Variants in PPFIA2 observed in about 807,000 individuals in gnomAD.
PPFIA2 encodes PPFI scaffold protein A2, also known as liprin-alpha-2.
Under a neutral mutation model 175.5 loss-of-function variants are expected in PPFIA2, and 46 were observed. The ratio of observed to expected loss-of-function variants is 0.26; its 90% CI spans 0.21 to 0.34. PPFIA2 has a LOEUF of 0.34. Ranked by LOEUF, PPFIA2 falls within the 10% of genes least tolerant of loss-of-function variation. The pLI, the probability that PPFIA2 is intolerant of heterozygous loss-of-function variation, is 1.00. For missense variants in PPFIA2, 1,179 were observed against 1,506.1 expected, an observed-to-expected ratio of 0.78 and a Z score of 3.60; for synonymous variants, 568 against 511.4, an observed-to-expected ratio of 1.11 and a Z score of -1.49.
At chr12:81,722,459 C>A (rs1345968497) in intron 3 of PPFIA2, among the ~76,000 whole-genome samples, 2 of 151,018 alleles carry the variant, frequency 1.3e-5, no homozygotes, top group Non-Finnish European at 3.0e-5. Context: ...CTGACATTGA[C>A]CTTTATTAAA....
At chr12:81,431,767 A>G (rs1354169047) in intron 7 of PPFIA2, among the ~76,000 whole-genome samples, 2 of 152,120 alleles carry the variant, frequency 1.3e-5, no homozygotes, top group African/African-American at 4.8e-5. Context: ...CCACTAGTCT[A>G]TAAAACCGAA....
chr12:81,516,819 T>C (rs183973489), intron 4 of PPFIA2, among the ~76,000 whole-genome samples: 1 of 152,162 alleles, frequency 6.6e-6, no homozygotes, highest in Non-Finnish European at 1.5e-5. Context: ...AATAAAATTG[T>C]TTTATTATGT....
chr12:81,561,664 C>T (rs559892060), intron 4 of PPFIA2, among the ~76,000 whole-genome samples: 1 of 152,248 alleles, frequency 6.6e-6, no homozygotes, highest in East Asian at 1.9e-4. Flanking sequence ...TTACAAATCA[C>T]TTTTTTTAAA....
At chr12:81,718,825 C>T (rs2078976626) in intron 3 of PPFIA2, among the ~76,000 whole-genome samples, 1 of 151,578 alleles carries the variant, frequency 6.6e-6, no homozygotes, top group African/African-American at 2.4e-5. Flanking sequence ...GGCTGATGCA[C>T]AGAGGATGCA....
At chr12:81,284,216 G>A (rs2042751030) in intron 25 of PPFIA2, 25 bp downstream of exon 25, 6 of 1,526,746 alleles carry the variant, frequency 3.9e-6, no homozygotes, top group Non-Finnish European at 4.5e-6. Context: ...TTTCCTTCAG[G>A]TTCAACAAAG....
At chr12:81,580,566 T>C (rs1430084528) in intron 4 of PPFIA2, among the ~76,000 whole-genome samples, 1 of 151,342 alleles carries the variant, frequency 6.6e-6, no homozygotes, top group Non-Finnish European at 1.5e-5. Flanking sequence ...TAAATATATT[T>C]TAAATTTTAA....
At chr12:81,664,514 G>A (rs1279949938) in intron 4 of PPFIA2, among the ~76,000 whole-genome samples, 2 of 152,004 alleles carry the variant, frequency 1.3e-5, no homozygotes, top group Non-Finnish European at 2.9e-5. Flanking sequence ...TTAGAATGGT[G>A]ATCATTAAAA....
intron 4 of PPFIA2, among the ~76,000 whole-genome samples, chr12:81,512,066 G>A (rs916477963): frequency 6.6e-6 from 1 of 152,036 alleles, no homozygotes; most frequent in African/African-American, 2.4e-5. Context: ...TCCAGTAAAC[G>A]GAATCTCTCA....
chr12:81,536,209 G>A (rs557051915), intron 4 of PPFIA2, among the ~76,000 whole-genome samples: 1 of 151,788 alleles, frequency 6.6e-6, no homozygotes, highest in African/African-American at 2.4e-5. Context: ...TATCAGATCA[G>A]TTGAAGATTA....
At chr12:81,445,114 T>C (rs2050972341) in intron 6 of PPFIA2, among the ~76,000 whole-genome samples, 1 of 147,130 alleles carries the variant, frequency 6.8e-6, no homozygotes, top group African/African-American at 2.5e-5. Context: ...AATAAATGTC[T>C]AAAAGTTAAA....
intron 4 of PPFIA2, among the ~76,000 whole-genome samples, chr12:81,571,959 C>T (rs116717481): frequency 0.011 from 1,597 of 152,044 alleles, 33 homozygotes; most frequent in African/African-American, 0.036. Context: ...CGTATCTGAG[C>T]CAAAGTGGTA....
intron 4 of PPFIA2, among the ~76,000 whole-genome samples, chr12:81,648,479 G>C (rs1158649263): frequency 6.6e-6 from 1 of 151,796 alleles, no homozygotes; most frequent in Non-Finnish European, 1.5e-5. Context: ...AAACAATTTT[G>C]AGAAAATTTT....
At chr12:81,473,687 A>G (rs2057085982) in intron 4 of PPFIA2, among the ~76,000 whole-genome samples, 1 of 152,210 alleles carries the variant, frequency 6.6e-6, no homozygotes, top group South Asian at 2.1e-4. Flanking sequence ...CTGTTCTGGA[A>G]TTGTAAATTT....
intron 32 of PPFIA2, chr12:81,260,049 C>G (rs939887486): frequency 1.3e-5 from 2 of 158,942 alleles, no homozygotes. Context: ...TAAAAAATAC[C>G]TTTATTTGTT....
chr12:81,728,109 A>G (rs17690937), intron 3 of PPFIA2, among the ~76,000 whole-genome samples: 4,719 of 151,536 alleles, frequency 0.031, 109 homozygotes, highest in Middle Eastern at 0.065. Flanking sequence ...ATAAGAAGAA[A>G]TAACACAAAG....
At chr12:81,731,397 T>C (rs1034901977) in intron 3 of PPFIA2, among the ~76,000 whole-genome samples, 2 of 151,548 alleles carry the variant, frequency 1.3e-5, no homozygotes, top group Admixed American at 6.6e-5. Flanking sequence ...TGAATGTGGG[T>C]CTCATTTACT....
chr12:81,574,710 G>GA (rs1332608625), intron 4 of PPFIA2, among the ~76,000 whole-genome samples: 422 of 144,152 alleles, frequency 2.9e-3, no homozygotes, highest in African/African-American at 5.6e-3. Flanking sequence ...TTATTATTGG[G>GA]AAAAAAAAAA....
At chr12:81,288,829 A>T (rs1377456392) in intron 24 of PPFIA2, among the ~76,000 whole-genome samples, 1 of 151,674 alleles carries the variant, frequency 6.6e-6, no homozygotes, top group Non-Finnish European at 1.5e-5. Flanking sequence ...TGATATTTAC[A>T]CCTCACTCTC....
At chr12:81,329,131 G>A (rs1054453687) in intron 21 of PPFIA2, among the ~76,000 whole-genome samples, 1 of 152,056 alleles carries the variant, frequency 6.6e-6, no homozygotes, top group Admixed American at 6.6e-5. Flanking sequence ...AATGATGAGT[G>A]CCTCAGAGGA....
Sources: allele counts gnomAD v4.1 joint callset (sites outside exome capture counted in the v4.1 genomes callset), GRCh38; gene constraint gnomAD v4.1.1; transcripts MANE v1.5; gene names NCBI Gene and HGNC (gene_info 2026-07-23, HGNC 2026-07-21).